CDH18: variants seen among roughly 807,000 people sequenced by gnomAD.
The protein encoded by CDH18 is cadherin 18.
A neutral mutation model predicts 67.9 loss-of-function variants in CDH18; 31 were observed. The ratio of observed to expected loss-of-function variants is 0.46; its 90% CI spans 0.34 to 0.62. The LOEUF is 0.62. Ranked by LOEUF, CDH18 falls within the 20% of genes least tolerant of loss-of-function variation. CDH18 has a pLI of 0.01. For missense variants in CDH18, 890 were observed against 975.5 expected (o/e 0.91, Z 1.17); for synonymous variants, 362 against 347.2 (o/e 1.04, Z -0.48).
intron 1 of CDH18, among the ~76,000 whole-genome samples, chr5:20,411,208 T>G (rs184236025): frequency 1.3e-5 from 2 of 151,990 alleles, no homozygotes; most frequent in African/African-American, 4.8e-5. Context: ...AAAATAATAT[T>G]GCAATGATAC....
intron 10 of CDH18, among the ~76,000 whole-genome samples, chr5:19,515,366 T>C (rs1368773152): frequency 6.6e-6 from 1 of 152,220 alleles, no homozygotes; most frequent in Non-Finnish European, 1.5e-5. Flanking sequence ...AAAGTAGTTT[T>C]TTTCCAATTC....
intron 2 of CDH18, among the ~76,000 whole-genome samples, chr5:20,027,382 C>T (rs557982655): frequency 9.9e-5 from 15 of 152,040 alleles, no homozygotes; most frequent in South Asian, 8.3e-4. Flanking sequence ...TTTTGATAAA[C>T]GGCTATGTTT....
intron 1 of CDH18, among the ~76,000 whole-genome samples, chr5:20,434,557 T>C (rs1580991021): frequency 1.3e-5 from 2 of 152,060 alleles, no homozygotes; most frequent in African/African-American, 4.8e-5. Flanking sequence ...ACCTGAAACA[T>C]AGAAGATTTA....
In CDH18 at chr5:19,672,974, T is replaced by C. The variant is rs116520968; in HGVS notation, c.643+48373A>G. Among the ~76,000 whole-genome samples the C allele has an allele frequency of 3.3e-3, 500 of 152,170 alleles. 1 individual carries two copies. The highest frequency in any genetic ancestry group is 0.012 in the African/African-American group (482 of 41,568). The stretch of plus-strand genomic sequence containing the variant: ...AGAAATGACCTTTTCTTAAGACACA[T>C]ATTCATTTATAATTAAATCAGAAAT... On this transcript the variant is annotated intron_variant, in intron 5 of 12. Transcript: ENST00000382275.
chr5:19,627,755 ATAGAGAGGTC>A (rs1465324869), intron 5 of CDH18, among the ~76,000 whole-genome samples: 15 of 152,208 alleles, frequency 9.9e-5, no homozygotes, highest in African/African-American at 3.6e-4. Flanking sequence ...AAAAGAAGTG[ATAGAGAGGTC>A]TAGGCAAAAA....
At chr5:19,533,294 T>C (rs1748930077) in intron 9 of CDH18, among the ~76,000 whole-genome samples, 1 of 152,138 alleles carries the variant, frequency 6.6e-6, no homozygotes, top group South Asian at 2.1e-4. Context: ...TGATGCTTTG[T>C]TGAGTAGAGG....
intron 3 of CDH18, among the ~76,000 whole-genome samples, chr5:19,820,464 G>T (rs1779753258): frequency 6.6e-6 from 1 of 152,090 alleles, no homozygotes; most frequent in Admixed American, 6.6e-5. Flanking sequence ...CCACTTCCTT[G>T]TCTAGGGATC....
At chr5:20,109,481 A>G (rs1375576032) in intron 2 of CDH18, among the ~76,000 whole-genome samples, 1 of 152,080 alleles carries the variant, frequency 6.6e-6, no homozygotes. Flanking sequence ...ATACGGCAAC[A>G]CTCTATGCCC....
At chr5:20,403,901 C>G (rs919730806) in intron 1 of CDH18, among the ~76,000 whole-genome samples, 1 of 152,262 alleles carries the variant, frequency 6.6e-6, no homozygotes, top group South Asian at 2.1e-4. Context: ...AAGCTTCTTC[C>G]AATATAAGAC....
intron 1 of CDH18, among the ~76,000 whole-genome samples, chr5:20,483,089 CA>C (rs1418207124): frequency 5.9e-5 from 9 of 151,918 alleles, no homozygotes; most frequent in Non-Finnish European, 5.9e-5. Context: ...GTAACATCGG[CA>C]TACAAAAACC....
chr5:19,483,227 C>T (rs1739764982), intron 12 of CDH18, 74 bp downstream of exon 12: 2 of 1,471,454 alleles, frequency 1.4e-6, no homozygotes, highest in African/African-American at 1.4e-5. Flanking sequence ...ATGCCTAATC[C>T]TTAAGATTTG....
At chr5:20,429,548 C>T (rs1462411566) in intron 1 of CDH18, among the ~76,000 whole-genome samples, 5 of 152,032 alleles carry the variant, frequency 3.3e-5, no homozygotes, top group Non-Finnish European at 7.4e-5. Context: ...ACTGTCTTTC[C>T]CTTTTTCTTC....
chr5:20,305,621 C>A, intron 1 of CDH18: 1 of 499,322 alleles, frequency 2.0e-6, no homozygotes, highest in Non-Finnish European at 3.6e-6. Flanking sequence ...TCGGCAAACC[C>A]AGAGACTCAA....
At chr5:19,625,725 C>G (rs1466445924) in intron 5 of CDH18, among the ~76,000 whole-genome samples, 1 of 152,014 alleles carries the variant, frequency 6.6e-6, no homozygotes, top group Non-Finnish European at 1.5e-5. Context: ...ACTGAGACAG[C>G]CAGATGGGAG....
intron 2 of CDH18, among the ~76,000 whole-genome samples, chr5:19,888,416 G>A (rs1788453824): frequency 1.3e-5 from 2 of 151,812 alleles, no homozygotes; most frequent in South Asian, 4.2e-4. Flanking sequence ...ATGTGTGTAA[G>A]TCTTAGATAT....
At chr5:20,364,381 C>T (rs1241383335) in intron 1 of CDH18, among the ~76,000 whole-genome samples, 1 of 152,048 alleles carries the variant, frequency 6.6e-6, no homozygotes, top group East Asian at 1.9e-4. Context: ...AGAATGAAGA[C>T]ATTATCTCAG....
At chr5:20,279,432 C>G (rs1259458963) in intron 1 of CDH18, among the ~76,000 whole-genome samples, 1 of 152,024 alleles carries the variant, frequency 6.6e-6, no homozygotes. Context: ...GGCACCGTGG[C>G]TCATGCCTGT....
chr5:19,571,574 C>T lies in CDH18; in HGVS notation c.1253+5G>A. ...CTATGTCTAAACGATTGAAGCATGC[C>T]ATACCTTACTAAGCTGTTAGTACTG... On this transcript the variant is annotated splice_donor_5th_base_variant and intron_variant, in intron 8 of 12. Transcript: ENST00000382275. 6.2e-7 allele frequency: 1 copy of T among 1,613,148 alleles called. No homozygotes were observed.
At chr5:20,514,410 A>G (rs1755231941) in intron 1 of CDH18, among the ~76,000 whole-genome samples, 1 of 152,146 alleles carries the variant, frequency 6.6e-6, no homozygotes, top group Non-Finnish European at 1.5e-5. Context: ...TTTCATTGTT[A>G]TCATACCAAT....
Sources: gnomAD v4.1 joint callset for allele counts (sites outside exome capture counted in the v4.1 genomes callset) on GRCh38, gnomAD v4.1.1 for gene constraint, MANE v1.5 for transcripts, NCBI Gene and HGNC (gene_info 2026-07-23, HGNC 2026-07-21) for gene names.